The following FYN variants were observed in gnomAD, a reference collection of about 807,000 sequenced individuals.
FYN encodes FYN proto-oncogene, Src family tyrosine kinase.
Under a neutral mutation model 70.2 loss-of-function variants are expected in FYN, and 10 were observed. The ratio of observed to expected loss-of-function variants is 0.14; its 90% CI spans 0.09 to 0.24. FYN has a LOEUF of 0.24. FYN is among the 10% of genes least tolerant of loss of function. FYN has a pLI of 1.00. For missense variants in FYN, 319 were observed against 673.1 expected (o/e 0.47, Z 5.82); for synonymous variants, 236 against 248.6 (o/e 0.95, Z 0.48).
At chr6:111,727,995 A>G (rs1801267586) in intron 3 of FYN, among the ~76,000 whole-genome samples, 1 of 152,214 alleles carries the variant, frequency 6.6e-6, no homozygotes, top group African/African-American at 2.4e-5. Flanking sequence ...GAGAAATGGA[A>G]GCATCAGACC....
chr6:111,694,778 C>A lies in FYN; in HGVS notation c.1043-74G>T. On this transcript the variant is annotated intron_variant, in intron 10 of 13. Transcript: ENST00000354650. The surrounding 1 kb of genome is among the most constrained non-coding windows in gnomAD (Gnocchi z 5.0). Reference sequence around the variant, plus strand: ...CCAACAGAGAGCTGTATTTGGTTTTCTTATTAAAAGTAATAAGGTAGTCAA... The same window carrying A: ...CCAACAGAGAGCTGTATTTGGTTTTATTATTAAAAGTAATAAGGTAGTCAA... 2 of 1,353,996 alleles carry A rather than the reference C, an allele frequency of 1.5e-6. No homozygotes were observed. The highest frequency in any genetic ancestry group is 1.3e-5 in the South Asian group (1 of 76,022). The allele number at this position is 1,353,996 out of a possible 1,614,324, so 83.9% of individuals were successfully genotyped here.
intron 3 of FYN, among the ~76,000 whole-genome samples, chr6:111,732,617 T>C (rs1021126960): frequency 1.3e-5 from 2 of 152,216 alleles, no homozygotes; most frequent in Non-Finnish European, 2.9e-5. Context: ...AGCTGAAGAC[T>C]GCATTCTCAG....
intron 3 of FYN, among the ~76,000 whole-genome samples, chr6:111,735,983 C>T (rs1366433541): frequency 6.6e-6 from 1 of 152,170 alleles, no homozygotes; most frequent in Non-Finnish European, 1.5e-5. Context: ...AATAGGCTTG[C>T]ACAGTTGTGT....
At chr6:111,829,837 T>G (rs1432096041) in intron 2 of FYN, among the ~76,000 whole-genome samples, 1 of 152,178 alleles carries the variant, frequency 6.6e-6, no homozygotes, top group African/African-American at 2.4e-5. Context: ...CTTAAGGGCC[T>G]ACCCTGTGCC....
At chr6:111,864,502 G>A (rs541351470) in intron 1 of FYN, among the ~76,000 whole-genome samples, 2 of 152,290 alleles carry the variant, frequency 1.3e-5, no homozygotes, top group East Asian at 3.9e-4. Flanking sequence ...AAAGGCCAGT[G>A]CCTGCCCCAC....
chr6:111,710,408 T>C (rs767357239), intron 5 of FYN, among the ~76,000 whole-genome samples: 1 of 152,248 alleles, frequency 6.6e-6, no homozygotes, highest in African/African-American at 2.4e-5. Context: ...TATCTCATTT[T>C]GGTCTAGGTA....
intron 12 of FYN, among the ~76,000 whole-genome samples, chr6:111,686,703 CTG>C (rs1799021598): frequency 1.3e-5 from 2 of 152,230 alleles, no homozygotes; most frequent in Admixed American, 6.5e-5. Context: ...TCACAGCACA[CTG>C]TGCGGGAATG....
chr6:111,809,089 A>T (rs1188885563), intron 2 of FYN, among the ~76,000 whole-genome samples: 2 of 152,254 alleles, frequency 1.3e-5, no homozygotes, highest in Non-Finnish European at 2.9e-5. Flanking sequence ...ATGGAAAGAT[A>T]CTAAGCTTTA....
chr6:111,726,604 C>T (rs1801203551), intron 3 of FYN, among the ~76,000 whole-genome samples: 1 of 152,114 alleles, frequency 6.6e-6, no homozygotes, highest in Non-Finnish European at 1.5e-5. Flanking sequence ...ACCATGGAAT[C>T]CTGGCCAGTC....
intron 3 of FYN, among the ~76,000 whole-genome samples, chr6:111,764,420 T>C (rs1011785895): frequency 6.6e-6 from 1 of 152,080 alleles, no homozygotes; most frequent in African/African-American, 2.4e-5. Flanking sequence ...GGGTATTTTG[T>C]AAAAGCTCCC....
rs543778701 is a variant in FYN, at chr6:111,694,284, AGGAAG to A, written c.1273+86_1273+90del. 3.2e-4 allele frequency: 478 copies of A among 1,478,834 alleles called. No individual in the cohort carries two copies. The highest frequency in any genetic ancestry group is 5.4e-4 in the African/African-American group (39 of 72,034). The allele number at this position is 1,478,834 out of a possible 1,614,324, so 91.6% of individuals were successfully genotyped here. On this transcript the variant is annotated intron_variant, in intron 12 of 13. Coordinates refer to ENST00000354650, the MANE Select transcript of FYN (RefSeq NM_002037.5). This position sits in a 1 kb window ranked among gnomAD's most constrained non-coding sequence, Gnocchi z 5.0. Reference sequence around the variant, plus strand: ...GAATGACATTTCAAGTATTTTCTGAAGGAAGGGAAGGGAAGGAGGAAGGAAGGGCT... The same window carrying A: ...GAATGACATTTCAAGTATTTTCTGAAGGAAGGGAAGGAGGAAGGAAGGGCT...
intron 13 of FYN, among the ~76,000 whole-genome samples, chr6:111,662,766 C>A (rs553596077): frequency 6.6e-6 from 1 of 152,236 alleles, no homozygotes; most frequent in Non-Finnish European, 1.5e-5. Flanking sequence ...GATCTGCCAT[C>A]ATGCCAGCGT....
chr6:111,696,684 T>A (rs1018025443), intron 9 of FYN: 5 of 396,430 alleles, frequency 1.3e-5, no homozygotes, highest in Non-Finnish European at 1.8e-5. Flanking sequence ...TTATAACTCA[T>A]TAAAATTTTT....
intron 2 of FYN, among the ~76,000 whole-genome samples, chr6:111,842,225 T>G (rs968568726): frequency 6.6e-5 from 10 of 152,208 alleles, no homozygotes; most frequent in Admixed American, 5.9e-4. Flanking sequence ...TAGGCCACTT[T>G]GGCCTCCTAT....
chr6:111,704,012 A>G lies in FYN; in HGVS notation c.534T>C (p.Ser178=). 1.2e-6 allele frequency: 2 copies of G among 1,613,442 alleles called. No homozygotes were observed. The highest frequency in any genetic ancestry group is 2.2e-5 in the South Asian group (2 of 91,018). The change falls in exon 7 of 14, where the codon AGT becomes AGC. Residue 178 remains serine, a synonymous_variant. Coordinates refer to ENST00000354650, the MANE Select transcript of FYN (RefSeq NM_002037.5). ...NPRGTFLIRE[S]ETTKGAYSLS... ...TCGTTATCTTACCTTTGGTGGTTTC[A>G]CTCTCGCGGATAAGAAAGGTACCTC... is the stretch of plus-strand genomic sequence containing the variant.
chr6:111,711,812 A>G (rs943778683), intron 5 of FYN, among the ~76,000 whole-genome samples: 2 of 152,134 alleles, frequency 1.3e-5, no homozygotes, highest in Non-Finnish European at 2.9e-5. Flanking sequence ...CTTCCCTGTT[A>G]TTACCCTTGA....
At chr6:111,663,270 A>G (rs965829695) in intron 13 of FYN, among the ~76,000 whole-genome samples, 1 of 152,094 alleles carries the variant, frequency 6.6e-6, no homozygotes, top group South Asian at 2.1e-4. Flanking sequence ...TTCTTCCCCT[A>G]TTTCCCAGGG....
intron 3 of FYN, among the ~76,000 whole-genome samples, chr6:111,733,466 A>C (rs1232997177): frequency 1.3e-5 from 2 of 152,190 alleles, no homozygotes; most frequent in Non-Finnish European, 2.9e-5. Context: ...ATTTGTTCCC[A>C]AGTCTCCGGG....
chr6:111,751,904 C>A (rs1371194148), intron 3 of FYN, among the ~76,000 whole-genome samples: 1 of 152,138 alleles, frequency 6.6e-6, no homozygotes, highest in African/African-American at 2.4e-5. Context: ...CAGGCATGAG[C>A]CACCATGCTT....
Sources: gnomAD v4.1 joint callset for allele counts (sites outside exome capture counted in the v4.1 genomes callset) on GRCh38, gnomAD v4.1.1 for gene constraint, Gnocchi (gnomAD v3.1) non-coding constraint, MANE v1.5 for transcripts, NCBI Gene and HGNC (gene_info 2026-07-23, HGNC 2026-07-21) for gene names.